Variants in ERBB4 observed in about 807,000 individuals in gnomAD.
ERBB4 encodes the protein receptor tyrosine-protein kinase erbB-4.
In ERBB4, 42 loss-of-function variants were observed where a neutral mutation model predicts 158.0. The observed-to-expected ratio is 0.27, with a 90% CI of 0.21 to 0.34. ERBB4 has a LOEUF of 0.34. Ranked by LOEUF, ERBB4 falls within the 10% of genes least tolerant of loss-of-function variation. The pLI is 1.00. For missense variants in ERBB4, 1,333 were observed against 1,624.1 expected (o/e 0.82, Z 3.08); for synonymous variants, 583 against 558.7 (o/e 1.04, Z -0.61).
intron 3 of ERBB4, among the ~76,000 whole-genome samples, chr2:211,945,682 G>T (rs930501753): frequency 6.6e-6 from 1 of 151,938 alleles, no homozygotes; most frequent in Non-Finnish European, 1.5e-5. Flanking sequence ...CACTTACTCG[G>T]TATGAAGTAT....
chr2:211,960,622 G>C (rs998635632), intron 2 of ERBB4: 1 of 152,122 alleles, frequency 6.6e-6, no homozygotes, highest in Non-Finnish European at 1.5e-5. Flanking sequence ...AATTTTGGAG[G>C]CTGGGAAGTC....
At chr2:211,736,003 G>A (rs889201216) in intron 5 of ERBB4, among the ~76,000 whole-genome samples, 23 of 151,176 alleles carry the variant, frequency 1.5e-4, no homozygotes, top group Non-Finnish European at 1.3e-4. Flanking sequence ...AAAGAAAAAA[G>A]GAAAAACAAA....
At chr2:212,472,725 T>C (rs1294718801) in intron 1 of ERBB4, among the ~76,000 whole-genome samples, 1 of 151,846 alleles carries the variant, frequency 6.6e-6, no homozygotes, top group Admixed American at 6.6e-5. Flanking sequence ...ATGTCATGTG[T>C]TTGCATGTTA....
At chr2:212,343,643 G>T (rs2088832970) in intron 1 of ERBB4, among the ~76,000 whole-genome samples, 2 of 152,220 alleles carry the variant, frequency 1.3e-5, no homozygotes, top group South Asian at 4.1e-4. Context: ...CACTTCAGCA[G>T]AATTCCTCAC....
intron 5 of ERBB4, among the ~76,000 whole-genome samples, chr2:211,738,966 T>C (rs1026142956): frequency 3.9e-5 from 6 of 152,162 alleles, no homozygotes; most frequent in African/African-American, 1.4e-4. Context: ...TTATATTTTA[T>C]TTTGTATTTG....
intron 3 of ERBB4, among the ~76,000 whole-genome samples, chr2:211,883,569 G>A (rs543273201): frequency 1.6e-4 from 24 of 152,228 alleles, no homozygotes; most frequent in African/African-American, 5.5e-4. Flanking sequence ...CTTGAGGTCA[G>A]GAGTTCTAGA....
intron 1 of ERBB4, among the ~76,000 whole-genome samples, chr2:212,399,147 T>C (rs1201378255): frequency 1.3e-5 from 2 of 152,116 alleles, no homozygotes; most frequent in Admixed American, 1.3e-4. Flanking sequence ...TTCACCATGT[T>C]GGCCAGACTG....
intron 19 of ERBB4, among the ~76,000 whole-genome samples, chr2:211,573,706 TTAA>T (rs2067807811): frequency 6.7e-5 from 1 of 14,830 alleles, no homozygotes. Context: ...ATAGAAAATA[TTAA>T]AAAAAAATGT....
At chr2:211,703,118 GGT>G (rs151014708) in intron 11 of ERBB4, among the ~76,000 whole-genome samples, 2 of 151,254 alleles carry the variant, frequency 1.3e-5, no homozygotes, top group Non-Finnish European at 1.5e-5. Flanking sequence ...TGGTTGTCAG[GGT>G]GTGTGTGTGT....
At chr2:212,376,550 C>A (rs2090328805) in intron 1 of ERBB4, among the ~76,000 whole-genome samples, 1 of 152,054 alleles carries the variant, frequency 6.6e-6, no homozygotes, top group Non-Finnish European at 1.5e-5. Flanking sequence ...TCTCACCAAA[C>A]AAAGGCAATT....
intron 4 of ERBB4, among the ~76,000 whole-genome samples, chr2:211,751,062 C>T (rs1156387533): frequency 6.6e-6 from 1 of 151,990 alleles, no homozygotes; most frequent in African/African-American, 2.4e-5. Flanking sequence ...ATATAATTTC[C>T]AGAGATCACA....
At chr2:212,427,527 C>T (rs1434601829) in intron 1 of ERBB4, among the ~76,000 whole-genome samples, 3 of 152,058 alleles carry the variant, frequency 2.0e-5, no homozygotes, top group Admixed American at 6.6e-5. Context: ...GTAAGTGTTT[C>T]GCACTGTATG....
intron 1 of ERBB4, among the ~76,000 whole-genome samples, chr2:212,514,764 C>T (rs1050352776): frequency 1.3e-5 from 2 of 152,290 alleles, no homozygotes; most frequent in African/African-American, 4.8e-5. Context: ...GAGATCGCAC[C>T]ACTGTACTCC....
intron 1 of ERBB4, among the ~76,000 whole-genome samples, chr2:212,262,319 T>C (rs1389064517): frequency 6.6e-6 from 1 of 152,146 alleles, no homozygotes; most frequent in Non-Finnish European, 1.5e-5. Context: ...TGATTCAGAA[T>C]AATTTTCTGA....
intron 20 of ERBB4, among the ~76,000 whole-genome samples, chr2:211,499,765 A>C (rs994714231): frequency 6.6e-6 from 1 of 152,058 alleles, no homozygotes; most frequent in African/African-American, 2.4e-5. Flanking sequence ...AGGTGAAGAT[A>C]CCCCCAAAAA....
At chr2:211,577,629 C>T (rs185210262) in intron 19 of ERBB4, among the ~76,000 whole-genome samples, 14 of 152,244 alleles carry the variant, frequency 9.2e-5, no homozygotes, top group Non-Finnish European at 1.9e-4. Flanking sequence ...AAACTGACTT[C>T]ATCCTTGGGA....
chr2:211,935,028 T>A (rs1436705539), intron 3 of ERBB4, among the ~76,000 whole-genome samples: 2 of 151,556 alleles, frequency 1.3e-5, no homozygotes, highest in Non-Finnish European at 2.9e-5. Flanking sequence ...GACAAAAGTT[T>A]AGTGTCATGT....
chr2:211,553,053 C>T (rs975087279), intron 20 of ERBB4, among the ~76,000 whole-genome samples: 4 of 151,796 alleles, frequency 2.6e-5, no homozygotes, highest in Admixed American at 2.6e-4. Flanking sequence ...ACTGCAACCT[C>T]CACCTCCCAT....
At chr2:211,994,006 T>C (rs2082139107) in intron 2 of ERBB4, among the ~76,000 whole-genome samples, 1 of 152,048 alleles carries the variant, frequency 6.6e-6, no homozygotes, top group Non-Finnish European at 1.5e-5. Flanking sequence ...TAGTAAGTAA[T>C]AAAGTCATCA....
Sources: allele counts gnomAD v4.1 joint callset (sites outside exome capture counted in the v4.1 genomes callset), GRCh38; gene constraint gnomAD v4.1.1; transcripts MANE v1.5; gene names NCBI Gene and HGNC (gene_info 2026-07-23, HGNC 2026-07-21).